Variants in CHD1L observed in about 807,000 individuals in gnomAD.
CHD1L encodes the protein chromodomain helicase DNA binding protein 1 like, also known as ATP-dependent chromatin remodeler CHD1L.
A neutral mutation model predicts 115.9 loss-of-function variants in CHD1L; 118 were observed. The observed-to-expected ratio is 1.02, with a 90% CI of 0.88 to 1.19. The LOEUF (loss-of-function observed/expected upper bound fraction) is 1.19. CHD1L is among the 50% of genes most tolerant of loss of function. CHD1L has a pLI of 0.00. For synonymous variants in CHD1L, 411 were observed against 387.1 expected (o/e 1.06, Z -0.72); for missense variants, 1,179 against 1,065.3 (o/e 1.11, Z -1.49).
chr1:147,228,937 A>C, the CHD1L span, among the ~76,000 whole-genome samples: 1 of 152,008 alleles, frequency 6.6e-6, no homozygotes, highest in Non-Finnish European at 1.5e-5. Flanking sequence ...AGATTGCAAA[A>C]ATTTTCTCCC....
At chr1:147,185,652 T>C in the CHD1L span, among the ~76,000 whole-genome samples, 1 of 152,222 alleles carries the variant, frequency 6.6e-6, no homozygotes, top group Admixed American at 6.5e-5. Context: ...AATGTTGGTC[T>C]TTTCCATTGT....
chr1:147,284,335 T>G lies in CHD1L; in HGVS notation c.1706-16T>G. On this transcript the variant is annotated splice_polypyrimidine_tract_variant and intron_variant, in intron 15 of 22. Transcript: ENST00000369258. ...TTGGTATCTAACATTTCTCTCTTTG[T>G]GTTTTATGTTGTTAGAAAATCATAT... 6.5e-7 allele frequency: 1 copy of G among 1,534,838 alleles called. No homozygotes were observed. Among genetic ancestry groups the G allele is most frequent in the Non-Finnish European group, 8.8e-7 (1 of 1,134,662 alleles).
At chr1:147,214,121 A>G in the CHD1L span, among the ~76,000 whole-genome samples, 1 of 152,180 alleles carries the variant, frequency 6.6e-6, no homozygotes, top group Non-Finnish European at 1.5e-5. Flanking sequence ...ATGTGCTTCT[A>G]CGGGCCCATG....
At chr1:147,290,450 A>G (rs1553969380) in intron 19 of CHD1L, among the ~76,000 whole-genome samples, 1 of 152,142 alleles carries the variant, frequency 6.6e-6, no homozygotes, top group Non-Finnish European at 1.5e-5. Context: ...CTTGGCTACA[A>G]GGATTAGTAA....
the CHD1L span, among the ~76,000 whole-genome samples, chr1:147,190,447 CTTT>C: frequency 6.6e-6 from 1 of 152,130 alleles, no homozygotes; most frequent in East Asian, 1.9e-4. Context: ...ACTTATTCTT[CTTT>C]GTCTTTGGAA....
chr1:147,268,737 C>G, intron 9 of CHD1L, 45 bp from the exon 10 acceptor site: 1 of 1,518,314 alleles, frequency 6.6e-7, no homozygotes, highest in Non-Finnish European at 9.1e-7. Flanking sequence ...TGGCTTCTGC[C>G]CTTACTGAGG....
chr1:147,282,088 TCTGGTATTCCCTGG>T (rs1305729858), intron 15 of CHD1L, among the ~76,000 whole-genome samples: 1 of 152,134 alleles, frequency 6.6e-6, no homozygotes, highest in African/African-American at 2.4e-5. Context: ...TCCCCAACCG[TCTGGTATTCCCTGG>T]CTGTCTGATC....
intron 14 of CHD1L, among the ~76,000 whole-genome samples, chr1:147,277,011 G>A (rs1174805669): frequency 6.6e-6 from 1 of 151,924 alleles, no homozygotes; most frequent in African/African-American, 2.4e-5. Flanking sequence ...AAGAAGGAAG[G>A]ACAGGAGTTG....
rs1022686130 is a variant in CHD1L, at chr1:147,255,682, A to G, written c.348-131A>G. 8.9e-6 allele frequency: 5 copies of G among 563,034 alleles called. No individual in the cohort carries two copies. In the African/African-American group the frequency reaches 9.4e-5, roughly 11 times the overall value. The allele number at this position is 563,034 out of a possible 1,614,324, so 34.9% of individuals were successfully genotyped here. A position where few individuals can be genotyped will look rare whatever the true frequency, so the allele number is the denominator to read the frequency against. On this transcript the variant is annotated intron_variant, in intron 3 of 22. Transcript: ENST00000369258. ...TTTTTTAGATAAGATTCAGAGCCCC[A>G]AGACTCTGGTTGTAGGACCTCATGA...
the CHD1L span, among the ~76,000 whole-genome samples, chr1:147,189,968 C>A: frequency 6.6e-6 from 1 of 152,112 alleles, no homozygotes; most frequent in African/African-American, 2.4e-5. Flanking sequence ...TGATTTTAGA[C>A]ACCTAAAACT....
intron 1 of CHD1L, among the ~76,000 whole-genome samples, chr1:147,243,440 T>A (rs1345150685): frequency 6.6e-6 from 1 of 151,816 alleles, no homozygotes; most frequent in Non-Finnish European, 1.5e-5. Context: ...TATGCCAACT[T>A]AGCTTGTCCG....
chr1:147,213,622 G>T, the CHD1L span: 1 of 637,938 alleles, frequency 1.6e-6, no homozygotes, highest in Non-Finnish European at 2.4e-6. Context: ...GAACTGTTTG[G>T]GGCTGTAGTC....
Position 147,276,173 on chromosome 1 carries a change from C to G in CHD1L, c.1455C>G (p.Ser485=), listed in dbSNP as rs1559835380. Residue 485 remains serine (S), a synonymous_variant, in exon 14 of 23, where the codon TCC becomes TCG. Transcript: ENST00000369258. ...VEEIVYRKAA[S]KLQLTNMIIE... is the part of the protein sequence containing the mutation. Reference sequence around the variant, plus strand: ...AAATAGTCTATAGGAAAGCAGCCTCCAAACTGCAGCTCACCAACATGATCA... The same window carrying G: ...AAATAGTCTATAGGAAAGCAGCCTCGAAACTGCAGCTCACCAACATGATCA... The G allele has an allele frequency of 6.2e-7, 1 of 1,614,196 alleles. No homozygotes were observed. Among genetic ancestry groups the G allele is most frequent in the Admixed American group, 1.7e-5 (1 of 60,026 alleles).
At chr1:147,258,315 A>C (rs1670775287) in intron 5 of CHD1L, among the ~76,000 whole-genome samples, 1 of 152,140 alleles carries the variant, frequency 6.6e-6, no homozygotes, top group Non-Finnish European at 1.5e-5. Context: ...GATTTGACCC[A>C]CTTCCTTTCA....
chr1:147,279,234 G>C (rs939198549), intron 14 of CHD1L, among the ~76,000 whole-genome samples: 1 of 152,098 alleles, frequency 6.6e-6, no homozygotes, highest in Non-Finnish European at 1.5e-5. Flanking sequence ...AGTCTAAAAG[G>C]GCAAGATGAG....
the CHD1L span, chr1:147,213,440 C>T: frequency 6.2e-7 from 1 of 1,611,510 alleles, no homozygotes; most frequent in Non-Finnish European, 8.5e-7. Context: ...GTGGCAAAAT[C>T]AGGCTGCTTC....
chr1:147,201,349 G>A, the CHD1L span: 2 of 1,614,130 alleles, frequency 1.2e-6, no homozygotes, highest in Non-Finnish European at 8.5e-7. Flanking sequence ...ATAGCCTGTG[G>A]CAAAGATAAC....
the CHD1L span, chr1:147,186,858 A>G: frequency 3.2e-6 from 5 of 1,575,088 alleles, no homozygotes; most frequent in Admixed American, 7.1e-5. Flanking sequence ...GCATCTGTAG[A>G]TAAGCTTCCC....
chr1:147,184,997 C>T, the CHD1L span, among the ~76,000 whole-genome samples: 5,610 of 151,798 alleles, frequency 0.037, 148 homozygotes, highest in South Asian at 0.095. The surrounding 1 kb of genome is among the most constrained non-coding windows in gnomAD (Gnocchi z 4.4). Context: ...TTTTTGTAAT[C>T]GACTTTAAAA....
Sources: allele counts gnomAD v4.1 joint callset (sites outside exome capture counted in the v4.1 genomes callset), GRCh38; gene constraint gnomAD v4.1.1; non-coding constraint Gnocchi (gnomAD v3.1); transcripts MANE v1.5; gene names NCBI Gene and HGNC (gene_info 2026-07-23, HGNC 2026-07-21).